TUBGCP6: variants seen among roughly 807,000 people sequenced by gnomAD.
The protein encoded by TUBGCP6 is tubulin gamma complex component 6.
In TUBGCP6, 161 loss-of-function variants were observed where a neutral mutation model predicts 175.8. That is an observed-to-expected ratio of 0.92 (90% CI 0.81 to 1.04). The LOEUF is 1.04. Ranked by LOEUF, TUBGCP6 falls within the 50% of genes least tolerant of loss-of-function variation. The probability of loss-of-function intolerance (pLI) is 0.00; values close to 1 mark genes in which losing one functional copy is unlikely to be tolerated. For missense variants in TUBGCP6, 2,572 were observed against 2,433.0 expected, an observed-to-expected ratio of 1.06 and a Z score of -1.20; for synonymous variants, 1,173 against 1,030.5, an observed-to-expected ratio of 1.14 and a Z score of -2.65.
In TUBGCP6 at chr22:50,229,434, G is replaced by A. The variant is rs753863866; in HGVS notation, c.1260C>T (p.Asp420=). The change falls in exon 4 of 25, where the codon GAC becomes GAT. Residue 420 remains aspartate, a synonymous_variant. Transcript: ENST00000248846. Reference sequence around the variant, plus strand: ...ACACGAGGCCCTTGCTGTACAAAGAGTCCAGGACGGGCTGCAGAGAGAAAT... The same window carrying A: ...ACACGAGGCCCTTGCTGTACAAAGAATCCAGGACGGGCTGCAGAGAGAAAT... ...LSHFSLQPVL[D]SLYSKGLVFQ... 2.1e-5 allele frequency: 34 copies of A among 1,613,644 alleles called. No individual in the cohort carries two copies. In the South Asian group the frequency reaches 2.6e-4, roughly 13 times the overall value.
rs372561380 is a variant in TUBGCP6, at chr22:50,220,444, C to T, written c.3915G>A (p.Ala1305=). 8.7e-6 allele frequency: 14 copies of T among 1,611,914 alleles called. No homozygotes were observed. In the African/African-American group the frequency reaches 9.3e-5, roughly 11 times the overall value. ...CAGTGCTCTGTGCTCCCAGGCTGAG[C>T]GCTGACTGGGACGTGTGGCCAGGGG... The part of the protein sequence containing the change: ...QSPPGHTSQS[A]LSLGAQSTVL... Residue 1305 remains alanine, a synonymous_variant, in exon 16 of 25, where the codon GCG becomes GCA. Transcript: ENST00000248846.
Position 50,218,564 on chromosome 22 carries a change from G to A in TUBGCP6, c.4878C>T (p.Gly1626=), listed in dbSNP as rs760917326. ...TCAGCTGCAGCAGGAAGGAGAAGAC[G>A]CCGCTGTACTTGCTCACGCAGCCCT... is the stretch of plus-strand genomic sequence containing the variant. ...ITEGCVSKYS[G]VFSFLLQLKL... The change falls in exon 22 of 25, where the codon GGC becomes GGT. Residue 1626 remains glycine, a synonymous_variant. Coordinates refer to ENST00000248846, the MANE Select transcript of TUBGCP6 (RefSeq NM_020461.4). 19 of 1,613,700 alleles carry A rather than the reference G, an allele frequency of 1.2e-5. No individual in the cohort carries two copies. The highest frequency in any genetic ancestry group is 5.0e-5 in the Admixed American group (3 of 60,008).
chr22:50,227,111 G>A (rs779275815), intron 5 of TUBGCP6, 34 bp from the exon 6 acceptor site: 90 of 1,583,124 alleles, frequency 5.7e-5, no homozygotes, highest in Non-Finnish European at 6.7e-5. Context: ...CCAGGTGACC[G>A]GGCTCAGGGT....
chr22:50,222,012 C>T lies in TUBGCP6; in HGVS notation c.2484+16G>A. ...GGAAAACCATAGGGCACCCTGGGTT[C>T]CACTCTGCCGCTTACCTGGGGGTGC... On this transcript the variant is annotated intron_variant, in intron 15 of 24. Transcript: ENST00000248846. The T allele has an allele frequency of 6.2e-7, 1 of 1,613,654 alleles. No individual in the cohort carries two copies. The highest frequency in any genetic ancestry group is 8.5e-7 in the Non-Finnish European group (1 of 1,179,876).
chr22:50,218,478 G>T lies in TUBGCP6; in HGVS notation c.4954+10C>A. ...GGGGTGCGGGGCGCCGGGCTCCAGC[G>T]GGGCCTCACCTGTGCGCTTGAGGTG... On this transcript the variant is annotated intron_variant, in intron 22 of 24. Coordinates refer to ENST00000248846, the MANE Select transcript of TUBGCP6 (RefSeq NM_020461.4). 3 of 1,613,192 alleles carry T rather than the reference G, an allele frequency of 1.9e-6. No individual in the cohort carries two copies. Among genetic ancestry groups the T allele is most frequent in the Non-Finnish European group, 2.5e-6 (3 of 1,179,888 alleles).
At chr22:50,235,348 G>A (rs983089085) in intron 2 of TUBGCP6, among the ~76,000 whole-genome samples, 7 of 13,258 alleles carry the variant, frequency 5.3e-4, no homozygotes, top group African/African-American at 3.0e-3. Context: ...CCCCGTCCAC[G>A]GCAACAACAT....
chr22:50,234,207 C>T (rs886311061), intron 2 of TUBGCP6, among the ~76,000 whole-genome samples: 30 of 147,548 alleles, frequency 2.0e-4, no homozygotes, highest in Admixed American at 1.8e-3. Flanking sequence ...TCCACAGCAG[C>T]ATCTACACCC....
chr22:50,237,345 A>G (rs1226906226), intron 2 of TUBGCP6, among the ~76,000 whole-genome samples: 1 of 152,250 alleles, frequency 6.6e-6, no homozygotes, highest in African/African-American at 2.4e-5. Flanking sequence ...AGCTCATCAC[A>G]GCAGGAAACT....
At chr22:50,235,757 T>C (rs990465543) in intron 2 of TUBGCP6, among the ~76,000 whole-genome samples, 2 of 152,076 alleles carry the variant, frequency 1.3e-5, no homozygotes, top group African/African-American at 4.8e-5. Context: ...CTGGCCAACA[T>C]GGTGAAACCC....
At chr22:50,218,143 G>A (rs1029796820) in intron 23 of TUBGCP6, 26 bp from the exon 24 acceptor site, 1 of 1,610,278 alleles carries the variant, frequency 6.2e-7, no homozygotes, top group African/African-American at 1.3e-5. Flanking sequence ...GCTGCTGGGT[G>A]GGCTGAGCCG....
At chr22:50,226,014 G>A (rs780530030) in intron 9 of TUBGCP6, 36 bp downstream of exon 9, 91 of 1,613,362 alleles carry the variant, frequency 5.6e-5, no homozygotes, top group Middle Eastern at 3.3e-4. Flanking sequence ...AGGGAAGACC[G>A]GCCCCTCTCT....
At chr22:50,229,605 C>A in intron 3 of TUBGCP6, 28 bp from the exon 4 acceptor site, 1 of 1,560,068 alleles carries the variant, frequency 6.4e-7, no homozygotes, top group South Asian at 1.2e-5. Flanking sequence ...ACACTGGTCA[C>A]AGAGGCCAGG....
At chr22:50,230,921 T>TA (rs1217200447) in intron 3 of TUBGCP6, among the ~76,000 whole-genome samples, 1 of 146,264 alleles carries the variant, frequency 6.8e-6, no homozygotes, top group African/African-American at 2.5e-5. Context: ...CCATCTCTAA[T>TA]AAAAACAAAA....
intron 1 of TUBGCP6, 84 bp from the exon 2 acceptor site, chr22:50,240,451 T>C (rs960625521): frequency 2.0e-6 from 3 of 1,505,682 alleles, no homozygotes; most frequent in East Asian, 2.3e-5. Context: ...AGGAACTTTA[T>C]GCAAAGACCT....
chr22:50,243,732 C>A lies in TUBGCP6; in HGVS notation c.728G>T (p.Gly243Val), dbSNP rs189649947. ...TAAACATTCTACCTTAATAGCCAGCCCAGAGAGGTCCGCATTGTCTGGCAC... is the reference window on the plus strand; with the variant it reads ...TAAACATTCTACCTTAATAGCCAGCACAGAGAGGTCCGCATTGTCTGGCAC... The part of the protein sequence containing the change: ...PPVPDNADLS[G>V]LAIKVPPSVD... Residue 243 changes from glycine (G) to valine (V), a missense_variant, in exon 1 of 25, where the codon GGG becomes GTG. Physicochemically the swap from Gly to Val is moderately radical, Grantham distance 109 (BLOSUM62 -3). Coordinates refer to ENST00000248846, the MANE Select transcript of TUBGCP6 (RefSeq NM_020461.4). The A allele has an allele frequency of 1.9e-6, 3 of 1,612,618 alleles. No homozygotes were observed. The Admixed American group carries it at 5.0e-5, about 27-fold the overall frequency.
At chr22:50,242,434 T>C (rs1379680326) in intron 1 of TUBGCP6, among the ~76,000 whole-genome samples, 1 of 151,774 alleles carries the variant, frequency 6.6e-6, no homozygotes. Context: ...GAGATGGAGG[T>C]TGCAGTGAGC....
At chr22:50,235,317 TGTCCACAGCAGC>T (rs1300970696) in intron 2 of TUBGCP6, among the ~76,000 whole-genome samples, 102 of 151,482 alleles carry the variant, frequency 6.7e-4, no homozygotes, top group African/African-American at 1.4e-3. Flanking sequence ...TCCACATGCC[TGTCCACAGCAGC>T]ATCCACACCC....
At position 50,244,305 on chromosome 22, in the gene TUBGCP6, T is replaced by A. The variant is rs774810121; in HGVS notation, c.155A>T (p.Asp52Val). 3 of 1,613,668 alleles carry A rather than the reference T, an allele frequency of 1.9e-6. No individual in the cohort carries two copies. In the African/African-American group the frequency reaches 4.0e-5, roughly 21 times the overall value. Reference sequence around the variant, plus strand: ...GTCAGGCTGCAGCTGTTGAGTCTCATCTTGAAAAAGATTTGTGAAAAGAGC... The same window carrying A: ...GTCAGGCTGCAGCTGTTGAGTCTCAACTTGAAAAAGATTTGTGAAAAGAGC... ...YNALFTNLFQ[D>V]ETQQLQPDMS... Residue 52 changes from aspartate (D) to valine (V), a missense_variant, in exon 1 of 25, where the codon GAT (aspartate) becomes GTT (valine). Physicochemically the swap from Asp to Val is radical, Grantham distance 152 (BLOSUM62 -3). Transcript: ENST00000248846.
chr22:50,244,488 T>G lies in TUBGCP6; in HGVS notation c.-29A>C. 4 of 1,583,824 alleles carry G rather than the reference T, an allele frequency of 2.5e-6. No homozygotes were observed. Among genetic ancestry groups the G allele is most frequent in the Non-Finnish European group, 3.4e-6 (4 of 1,166,200 alleles). On this transcript the variant is annotated 5_prime_UTR_variant, in exon 1 of 25. Transcript: ENST00000248846. ...CCTTCTCAGCTCCGGGCCCCCGGCG[T>G]GTGGGAAAACACCTCACCCGGGCTT...
Sources: allele counts gnomAD v4.1 joint callset (sites outside exome capture counted in the v4.1 genomes callset), GRCh38; gene constraint gnomAD v4.1.1; transcripts MANE v1.5; gene names NCBI Gene and HGNC (gene_info 2026-07-23, HGNC 2026-07-21).